Variants in SLCO1C1 observed in about 807,000 individuals in gnomAD.
The protein encoded by SLCO1C1 is OAT-RP-5.
A neutral mutation model predicts 76.4 loss-of-function variants in SLCO1C1; 70 were observed. That is an observed-to-expected ratio of 0.92 (90% confidence interval 0.76 to 1.12). SLCO1C1 has a LOEUF of 1.12. Ranked by LOEUF, SLCO1C1 falls within the 50% of genes most tolerant of loss-of-function variation. SLCO1C1 has a pLI of 0.00. For synonymous variants in SLCO1C1, 306 were observed against 286.1 expected, an observed-to-expected ratio of 1.07 and a Z score of -0.70; for missense variants, 912 against 823.8, an observed-to-expected ratio of 1.11 and a Z score of -1.31.
At chr12:20,727,692 G>A (rs1948087794) in intron 9 of SLCO1C1, among the ~76,000 whole-genome samples, 1 of 152,074 alleles carries the variant, frequency 6.6e-6, no homozygotes, top group Non-Finnish European at 1.5e-5. Context: ...TGTATTTTTA[G>A]TAGAGACAGG....
chr12:20,729,421 G>A (rs1251973315), intron 9 of SLCO1C1, among the ~76,000 whole-genome samples: 1 of 151,992 alleles, frequency 6.6e-6, no homozygotes, highest in African/African-American at 2.4e-5. Context: ...AAAGAACATG[G>A]GATTCAATTC....
chr12:20,717,648 CTTTTTTTTTTTT>C (rs534946900), intron 7 of SLCO1C1, among the ~76,000 whole-genome samples: 5 of 42,272 alleles, frequency 1.2e-4, no homozygotes, highest in African/African-American at 2.0e-4. Context: ...AACAGCCCTT[CTTTTTTTTTTTT>C]TTTTTTTTTT....
rs1357584440 is a variant in SLCO1C1, at chr12:20,723,077, T to G, written c.1022-13T>G. 1 of 1,602,842 alleles carries G rather than the reference T, an allele frequency of 6.2e-7. No homozygotes were observed. Among genetic ancestry groups the G allele is most frequent in the Non-Finnish European group, 8.5e-7 (1 of 1,174,980 alleles). ...ACCAACTTTAATTAGTCTATGTTAT[T>G]TTTGTTTTACAGATTTTCTTCCATC... On this transcript the variant is annotated splice_polypyrimidine_tract_variant and intron_variant, in intron 8 of 14. Transcript: ENST00000266509.
At chr12:20,728,110 T>C (rs1948112980) in intron 9 of SLCO1C1, among the ~76,000 whole-genome samples, 1 of 152,146 alleles carries the variant, frequency 6.6e-6, no homozygotes. Flanking sequence ...TGAGAAGGGT[T>C]TTTACTAGGC....
chr12:20,745,069 T>G (rs1259685424), intron 13 of SLCO1C1, among the ~76,000 whole-genome samples: 1 of 152,196 alleles, frequency 6.6e-6, no homozygotes, highest in African/African-American at 2.4e-5. Flanking sequence ...TATATGCATG[T>G]GCTAAGGCAT....
chr12:20,700,880 G>A lies in SLCO1C1; in HGVS notation c.130-438G>A, dbSNP rs546244506. ...TTTTCAGTCTGTACATTATGTTCCC[G>A]GCTGGTGCATGCACCACCCTGTGAA... On this transcript the variant is annotated intron_variant, in intron 2 of 14. Coordinates refer to ENST00000266509, the MANE Select transcript of SLCO1C1 (RefSeq NM_017435.5). Among the ~76,000 whole-genome samples, 34 of 152,016 alleles carry A rather than the reference G, an allele frequency of 2.2e-4. 1 individual carries two copies. The South Asian group carries it at 5.6e-3, about 25-fold the overall frequency.
chr12:20,740,978 A>C lies in SLCO1C1; in HGVS notation c.1733+610A>C, dbSNP rs552079298. ...CGAGATGGGGTAATTTATAAAGGAA[A>C]GAGGTTTAATTGACTCACAGTTCCG... On this transcript the variant is annotated intron_variant, in intron 12 of 14. Coordinates refer to ENST00000266509, the MANE Select transcript of SLCO1C1 (RefSeq NM_017435.5). Among the ~76,000 whole-genome samples, 4 of 151,864 alleles carry C rather than the reference A, an allele frequency of 2.6e-5. No homozygotes were observed. In the South Asian group the frequency reaches 8.3e-4, roughly 32 times the overall value.
Position 20,706,012 on chromosome 12 carries a change from T to C in SLCO1C1, c.335T>C (p.Ile112Thr), listed in dbSNP as rs1291520590. Residue 112 changes from isoleucine to threonine, a missense_variant, in exon 4 of 15, where the codon ATT (isoleucine) becomes ACT (threonine). Ile to Thr is a moderately conservative substitution (Grantham distance 89). Transcript: ENST00000266509. ...FGAKLHRPKI[I>T]GAGCVIMGVG... ...GCCAAACTTCACAGGCCAAAAATAATTGGAGCAGGGTGTGTAATCATGGGA... is the reference window on the plus strand; with the variant it reads ...GCCAAACTTCACAGGCCAAAAATAACTGGAGCAGGGTGTGTAATCATGGGA... 3.1e-6 allele frequency: 5 copies of C among 1,613,418 alleles called. No homozygotes were observed. The highest frequency in any genetic ancestry group is 4.2e-6 in the Non-Finnish European group (5 of 1,179,548).
chr12:20,745,699 C>T (rs1367996666), intron 13 of SLCO1C1, among the ~76,000 whole-genome samples: 1 of 151,868 alleles, frequency 6.6e-6, no homozygotes, highest in East Asian at 1.9e-4. Context: ...CTGGTGTGTG[C>T]CTGTAATCCC....
intron 4 of SLCO1C1, among the ~76,000 whole-genome samples, 181 bp downstream of exon 4, chr12:20,706,262 G>A (rs560590390): frequency 2.0e-5 from 3 of 152,026 alleles, no homozygotes; most frequent in East Asian, 1.9e-4. Context: ...ACAATAAACT[G>A]TAAAAAATTG....
At position 20,737,287 on chromosome 12, in the gene SLCO1C1, C is replaced by A. The variant is rs898356241; in HGVS notation, c.1548+15C>A. 1.9e-6 allele frequency: 3 copies of A among 1,551,132 alleles called. No individual in the cohort carries two copies. Among genetic ancestry groups the A allele is most frequent in the Non-Finnish European group, 2.6e-6 (3 of 1,158,120 alleles). On this transcript the variant is annotated intron_variant, in intron 11 of 14. Transcript: ENST00000266509. ...GAAAAAATATTGTAAGAAATCACCT[C>A]TCAAGTATATGGCGATGGTCCTGTT...
chr12:20,703,014 C>T (rs532933538), intron 3 of SLCO1C1, among the ~76,000 whole-genome samples: 2 of 151,824 alleles, frequency 1.3e-5, no homozygotes, highest in Non-Finnish European at 2.9e-5. Context: ...ACCATGACTC[C>T]AAATTCACAT....
intron 12 of SLCO1C1, among the ~76,000 whole-genome samples, chr12:20,741,002 C>T (rs573073911): frequency 5.9e-4 from 89 of 151,600 alleles, no homozygotes; most frequent in Non-Finnish European, 1.0e-3. Flanking sequence ...CTCACAGTTC[C>T]GCATGGCTGG....
chr12:20,727,155 T>C (rs1398765772), intron 9 of SLCO1C1, among the ~76,000 whole-genome samples: 1 of 152,220 alleles, frequency 6.6e-6, no homozygotes, highest in African/African-American at 2.4e-5. Flanking sequence ...AGAGCTGTGA[T>C]GAACATATGG....
At chr12:20,706,406 G>C (rs1946778693) in intron 4 of SLCO1C1, among the ~76,000 whole-genome samples, 1 of 152,042 alleles carries the variant, frequency 6.6e-6, no homozygotes. Flanking sequence ...ATGTCAAATA[G>C]GTAATTAATA....
rs1418607816 is a variant in SLCO1C1, at chr12:20,753,181, T to C, written c.*653T>C. ...TTTTGTGTGGCGCTATAAGTGACTA[T>C]GGTTGTAAAGTAATAAAATTGATGT... On this transcript the variant is annotated 3_prime_UTR_variant, in exon 15 of 15. Transcript: ENST00000266509. 1.3e-5 allele frequency: 2 copies of C among 152,246 alleles called. No homozygotes were observed. Among genetic ancestry groups the C allele is most frequent in the Non-Finnish European group, 2.9e-5 (2 of 68,040 alleles). 9.4% of individuals were successfully genotyped at this position (152,246 alleles called of 1,614,324 possible).
rs1387199706 is a variant in SLCO1C1 at position 20,746,825 on chromosome 12, A to C, written c.1798+3456A>C. Among the ~76,000 whole-genome samples, 3 of 134,378 alleles carry C rather than the reference A, an allele frequency of 2.2e-5. No individual in the cohort carries two copies. The Admixed American group carries it at 2.3e-4, about 10-fold the overall frequency. 88.2% of individuals were successfully genotyped at this position (134,378 alleles called of 152,430 possible). On this transcript the variant is annotated intron_variant, in intron 13 of 14. Transcript: ENST00000266509. The stretch of plus-strand genomic sequence containing the variant: ...GACTTGGTATTGTCTTTTTTTTTTC[A>C]AAAACCATTAGTAAGAAAAAAAGTG...
chr12:20,733,199 T>G, intron 10 of SLCO1C1, 95 bp downstream of exon 10: 11 of 1,201,432 alleles, frequency 9.2e-6, no homozygotes, highest in Non-Finnish European at 1.3e-5. Context: ...TTTTTAAACA[T>G]CATAACTATG....
chr12:20,715,008 A>G (rs1947296936), intron 5 of SLCO1C1, 131 bp from the exon 6 acceptor site: 1 of 1,128,324 alleles, frequency 8.9e-7, no homozygotes, highest in Non-Finnish European at 1.3e-6. Context: ...CCAAACTCCC[A>G]TCAAATTAAG....
Sources: allele counts gnomAD v4.1 joint callset (sites outside exome capture counted in the v4.1 genomes callset), GRCh38; gene constraint gnomAD v4.1.1; transcripts MANE v1.5; gene names NCBI Gene and HGNC (gene_info 2026-07-23, HGNC 2026-07-21).